DRC1: variants seen among roughly 807,000 people sequenced by gnomAD.
The protein encoded by DRC1 is dynein regulatory complex subunit 1.
Under a neutral mutation model 98.7 loss-of-function variants are expected in DRC1, and 74 were observed. That is an observed-to-expected ratio of 0.75 (90% CI 0.62 to 0.91). DRC1 has a LOEUF of 0.91. DRC1 is among the 40% of genes least tolerant of loss of function. DRC1 has a pLI of 0.00. For missense variants in DRC1, 875 were observed against 886.0 expected (o/e 0.99, Z 0.16); for synonymous variants, 336 against 334.1 (o/e 1.01, Z -0.06).
At chr2:26,448,872 C>A in intron 11 of DRC1, 69 bp downstream of exon 11, 2 of 1,496,600 alleles carry the variant, frequency 1.3e-6, no homozygotes, top group Non-Finnish European at 1.9e-6. Flanking sequence ...CTCTGCTGGG[C>A]CAGTGCTAGC....
At chr2:26,420,237 T>G (rs1251811678) in intron 2 of DRC1, among the ~76,000 whole-genome samples, 2 of 152,162 alleles carry the variant, frequency 1.3e-5, no homozygotes, top group African/African-American at 4.8e-5. Context: ...CCTGTGTCAC[T>G]GATCAGATAG....
chr2:26,402,413 G>C (rs955790685), intron 1 of DRC1, among the ~76,000 whole-genome samples: 1 of 152,176 alleles, frequency 6.6e-6, no homozygotes, highest in Admixed American at 6.5e-5. Flanking sequence ...TTAATCGGGC[G>C]TGGTGGCGTT....
chr2:26,413,008 T>C (rs1678669387), intron 1 of DRC1, among the ~76,000 whole-genome samples: 1 of 152,194 alleles, frequency 6.6e-6, no homozygotes, highest in Admixed American at 6.5e-5. Flanking sequence ...AGTCTCGATC[T>C]CCTGACCTCG....
At chr2:26,427,720 C>T (rs1424672216) in intron 4 of DRC1, among the ~76,000 whole-genome samples, 1 of 152,062 alleles carries the variant, frequency 6.6e-6, no homozygotes, top group East Asian at 1.9e-4. Flanking sequence ...CTCCCTGACC[C>T]TCCACACTAC....
At chr2:26,438,319 T>G (rs2147996517) in intron 7 of DRC1, among the ~76,000 whole-genome samples, 1 of 152,304 alleles carries the variant, frequency 6.6e-6, no homozygotes, top group Non-Finnish European at 1.5e-5. Flanking sequence ...TTCTCCTATG[T>G]CTTCTTTTTC....
intron 1 of DRC1, among the ~76,000 whole-genome samples, chr2:26,408,180 G>T (rs868693972): frequency 1.3e-5 from 2 of 152,156 alleles, no homozygotes; most frequent in African/African-American, 4.8e-5. Flanking sequence ...AAGGACAACC[G>T]ATTGGAAAAT....
rs1431479320 is a variant in DRC1 at position 26,419,418 on chromosome 2, C to G, written c.244-1870C>G. Reference sequence around the variant, plus strand: ...GTTAGCACATGGTACTTATACAGAACTCTCTGATGTTCACATTGAGTAGAA... The same window carrying G: ...GTTAGCACATGGTACTTATACAGAAGTCTCTGATGTTCACATTGAGTAGAA... On this transcript the variant is annotated intron_variant, in intron 2 of 16. Coordinates refer to ENST00000288710, the MANE Select transcript of DRC1 (RefSeq NM_145038.5). 2.6e-5 allele frequency among the ~76,000 whole-genome samples: 4 copies of G among 152,170 alleles called. No individual in the cohort carries two copies. In the East Asian group the frequency reaches 7.7e-4, roughly 29 times the overall value.
Position 26,429,702 on chromosome 2 carries a change from G to A in DRC1, c.615G>A (p.Glu205=), listed in dbSNP as rs1663382056. 1 of 1,614,048 alleles carries A rather than the reference G, an allele frequency of 6.2e-7. No individual in the cohort carries two copies. Among genetic ancestry groups the A allele is most frequent in the Non-Finnish European group, 8.5e-7 (1 of 1,180,022 alleles). The change falls in exon 5 of 17, where the codon GAG becomes GAA. Residue 205 remains glutamate (E), a synonymous_variant. Transcript: ENST00000288710. ...CAGATGACATCTGCCTGCTTCTGGA[G>A]CGGATGGAAGAACAGGTGAAGAATG... ...KQSDDICLLL[E]RMEEQVKNVM...
At chr2:26,427,752 A>G (rs1197325922) in intron 4 of DRC1, among the ~76,000 whole-genome samples, 3 of 152,118 alleles carry the variant, frequency 2.0e-5, no homozygotes, top group Non-Finnish European at 4.4e-5. Context: ...TCTGCTAACT[A>G]TCATTCTACT....
chr2:26,417,984 T>A (rs918748842), intron 2 of DRC1, among the ~76,000 whole-genome samples: 1 of 152,156 alleles, frequency 6.6e-6, no homozygotes, highest in Non-Finnish European at 1.5e-5. Context: ...TCTATTTTTT[T>A]CTTCCCTTAT....
intron 1 of DRC1, among the ~76,000 whole-genome samples, chr2:26,403,723 A>C (rs1678329656): frequency 6.9e-6 from 1 of 144,214 alleles, no homozygotes; most frequent in African/African-American, 2.6e-5. Flanking sequence ...CGAACCTGGG[A>C]GGCAGAGGTT....
chr2:26,447,959 T>G (rs1432213951), intron 10 of DRC1, among the ~76,000 whole-genome samples: 1 of 151,346 alleles, frequency 6.6e-6, no homozygotes, highest in Non-Finnish European at 1.5e-5. Flanking sequence ...GCGCCGTGGC[T>G]CATGCCTGTA....
chr2:26,418,567 A>C (rs1280175152), intron 2 of DRC1, among the ~76,000 whole-genome samples: 1 of 104,920 alleles, frequency 9.5e-6, no homozygotes, highest in African/African-American at 4.6e-5. Context: ...TTTATATATA[A>C]TATATATTAT....
intron 11 of DRC1, among the ~76,000 whole-genome samples, chr2:26,449,733 G>A (rs890950672): frequency 6.6e-6 from 1 of 152,214 alleles, no homozygotes; most frequent in African/African-American, 2.4e-5. Flanking sequence ...GTGGGTTGGT[G>A]CCCTTCTGGG....
chr2:26,429,548 G>A, intron 4 of DRC1, 80 bp from the exon 5 acceptor site: 1 of 1,542,274 alleles, frequency 6.5e-7, no homozygotes, highest in Non-Finnish European at 8.8e-7. Context: ...AGATTCTGGT[G>A]AGAGGAGTCT....
intron 13 of DRC1, among the ~76,000 whole-genome samples, chr2:26,451,498 T>C (rs1664006378): frequency 6.6e-6 from 1 of 152,168 alleles, no homozygotes; most frequent in South Asian, 2.1e-4. Context: ...CAAAGCTGAG[T>C]ATCCTGACAT....
intron 4 of DRC1, among the ~76,000 whole-genome samples, chr2:26,426,126 C>G (rs538147572): frequency 1.7e-4 from 26 of 152,250 alleles, no homozygotes; most frequent in Non-Finnish European, 2.8e-4. Context: ...ATCCAGTTTT[C>G]TCAACATCAT....
intron 4 of DRC1, 81 bp downstream of exon 4, chr2:26,424,535 T>A (rs564536396): frequency 7.1e-7 from 1 of 1,399,370 alleles, no homozygotes; most frequent in African/African-American, 1.4e-5. Context: ...TTTTCCTGAA[T>A]GGAAAAATGT....
rs183898231 is a variant in DRC1 at position 26,417,040 on chromosome 2, C to T, written c.243+2609C>T. On this transcript the variant is annotated intron_variant, in intron 2 of 16. Coordinates refer to ENST00000288710, the MANE Select transcript of DRC1 (RefSeq NM_145038.5). ...ACAACAGCCAGATCTCACGAGAACT[C>T]ACTCACTATCATGAGAACACCACCA... 3.0e-4 allele frequency among the ~76,000 whole-genome samples: 46 copies of T among 152,268 alleles called. No individual in the cohort carries two copies. The East Asian group carries it at 4.8e-3, about 16-fold the overall frequency.
Sources: gnomAD v4.1 joint callset for allele counts (sites outside exome capture counted in the v4.1 genomes callset) on GRCh38, gnomAD v4.1.1 for gene constraint, MANE v1.5 for transcripts, NCBI Gene and HGNC (gene_info 2026-07-23, HGNC 2026-07-21) for gene names.